Variants in TBC1D30 observed in about 807,000 individuals in gnomAD.
TBC1D30 encodes the protein TBC1 domain family, member 30.
TBC1D30 carries 31 observed loss-of-function variants against 63.2 expected under a neutral mutation model. That is an observed-to-expected ratio of 0.49 (90% confidence interval 0.37 to 0.66). TBC1D30 has a LOEUF of 0.66. Among genes scored for constraint, TBC1D30 ranks in the 30% least tolerant of loss-of-function variants. The pLI is 0.00. For missense variants in TBC1D30, 810 were observed against 953.6 expected (o/e 0.85, Z 1.98); for synonymous variants, 307 against 361.5 (o/e 0.85, Z 1.71).
chr12:64,849,852 A>G (rs560905043), intron 8 of TBC1D30, among the ~76,000 whole-genome samples: 1 of 152,212 alleles, frequency 6.6e-6, no homozygotes, highest in South Asian at 2.1e-4. Flanking sequence ...GAATCTGTAA[A>G]TTACTTTGGG....
At chr12:64,794,879 T>C (rs1340643132) in intron 2 of TBC1D30, among the ~76,000 whole-genome samples, 1 of 152,240 alleles carries the variant, frequency 6.6e-6, no homozygotes, top group Non-Finnish European at 1.5e-5. Flanking sequence ...TTATATGGTA[T>C]CCTGTTCTTG....
chr12:64,826,807 C>G (rs1473933977), intron 1 of TBC1D30, among the ~76,000 whole-genome samples: 1 of 152,106 alleles, frequency 6.6e-6, no homozygotes, highest in Non-Finnish European at 1.5e-5. Context: ...GGACCCAACT[C>G]AGGAATTTAC....
chr12:64,775,914 A>C (rs1871065092), upstream of TBC1D30, among the ~76,000 whole-genome samples: 1 of 152,262 alleles, frequency 6.6e-6, no homozygotes, highest in Non-Finnish European at 1.5e-5. Flanking sequence ...AAAGACCTGA[A>C]ATCATAACAA....
At chr12:64,803,217 T>G (rs966833180) in intron 2 of TBC1D30, among the ~76,000 whole-genome samples, 1 of 152,250 alleles carries the variant, frequency 6.6e-6, no homozygotes, top group African/African-American at 2.4e-5. Context: ...CATTTCCTTG[T>G]GGTTTTGACT....
At position 64,766,073 on chromosome 12, in the gene TBC1D30, C is replaced by T. The variant is rs1870703177; in HGVS notation, c.-376+6424C>T. Among the ~76,000 whole-genome samples the T allele has an allele frequency of 2.0e-5, 3 of 152,034 alleles. No homozygotes were observed. The South Asian group carries it at 6.2e-4, about 32-fold the overall frequency. On this transcript the variant is annotated intron_variant, in intron 1 of 13. Transcript: ENST00000674237. Reference sequence around the variant, plus strand: ...TAGCACTATATCTGAAAATTCACTACATGGATTAAGAGATGATTAAACAAT... The same window carrying T: ...TAGCACTATATCTGAAAATTCACTATATGGATTAAGAGATGATTAAACAAT...
chr12:64,879,179 G>A lies in TBC1D30; in HGVS notation c.*3391G>A, dbSNP rs1308030266. ...ATATAGATCTTTCCAGTACGTTTGT[G>A]TATGTGTGTACACGCCATTATCTAC... On this transcript the variant is annotated 3_prime_UTR_variant, in exon 12 of 12. Transcript: ENST00000539867. 6.6e-6 allele frequency: 1 copy of A among 152,270 alleles called. No homozygotes were observed. Among genetic ancestry groups the A allele is most frequent in the Non-Finnish European group, 1.5e-5 (1 of 68,106 alleles). The allele number at this position is 152,270 out of a possible 1,614,324, so 9.4% of individuals were successfully genotyped here.
At chr12:64,770,530 C>T (rs986307472) in intron 1 of TBC1D30, among the ~76,000 whole-genome samples, 1 of 152,152 alleles carries the variant, frequency 6.6e-6, no homozygotes, top group Admixed American at 6.5e-5. Flanking sequence ...CACTGGTCCC[C>T]ACCTAGCTAC....
At chr12:64,759,595 AGAAAAGGGCGGAGAACCGG>A (rs1357761126) in exon 1 of TBC1D30, 54 of 318,628 alleles carry the variant, frequency 1.7e-4, no homozygotes, top group South Asian at 5.2e-4. Context: ...GGAGAACCGG[AGAAAAGGGCGGAGAACCGG>A]GAAAAGGGCG....
At chr12:64,813,591 C>G (rs1404422847) in intron 2 of TBC1D30, among the ~76,000 whole-genome samples, 1 of 152,110 alleles carries the variant, frequency 6.6e-6, no homozygotes, top group Non-Finnish European at 1.5e-5. Context: ...TCTAGAATTT[C>G]AAGAGCATTT....
rs147073114 is a variant in TBC1D30 at position 64,774,063 on chromosome 12, G to A, written c.-375-11818G>A. On this transcript the variant is annotated intron_variant, in intron 1 of 13. Transcript: ENST00000674237. The stretch of plus-strand genomic sequence containing the variant: ...AAAATCATGATAAAACATCATAGGA[G>A]CTGACAGACAAAATAGCCAGAGTGG... 1.2e-3 allele frequency among the ~76,000 whole-genome samples: 187 copies of A among 152,286 alleles called. 4 individuals carry two copies. In the East Asian group the frequency reaches 0.029, roughly 24 times the overall value.
At chr12:64,765,885 T>A (rs1870697031) in intron 1 of TBC1D30, among the ~76,000 whole-genome samples, 1 of 150,434 alleles carries the variant, frequency 6.6e-6, no homozygotes, top group South Asian at 2.1e-4. Flanking sequence ...GGTGGTATGC[T>A]CCTGTAGTCC....
rs904184573 is a variant in TBC1D30 at position 64,875,153 on chromosome 12, C to T, written c.1651C>T (p.Pro551Ser). The change falls in exon 12 of 12, where the codon CCT (proline) becomes TCT (serine). Residue 551 changes from proline (P) to serine (S), a missense_variant. By Grantham distance (74) the Pro-to-Ser change is moderately conservative. This residue lies in a region of TBC1D30 where 450 missense variants were observed against 473.0 expected (regional missense o/e 0.95). Transcript: ENST00000539867. ...IPGHTGGKISPVPYEDLKTKL... is the reference protein window; with the variant it reads ...IPGHTGGKISSVPYEDLKTKL... ...TGGTCACACAGGAGGGAAAATATCT[C>T]CTGTCCCCTACGAAGACCTTAAGAC... The T allele has an allele frequency of 9.8e-6, 15 of 1,536,306 alleles. No homozygotes were observed. Among genetic ancestry groups the T allele is most frequent in the East Asian group, 2.4e-5 (1 of 40,924 alleles).
At chr12:64,792,972 G>A (rs534280295) in intron 2 of TBC1D30, among the ~76,000 whole-genome samples, 2 of 152,106 alleles carry the variant, frequency 1.3e-5, no homozygotes, top group Admixed American at 1.3e-4. Flanking sequence ...TCCCCTCCAT[G>A]CCCACAGAAG....
At chr12:64,824,072 C>CTTT (rs11423646), upstream of TBC1D30, among the ~76,000 whole-genome samples, 3 of 145,238 alleles carry the variant, frequency 2.1e-5, no homozygotes, top group African/African-American at 7.6e-5. Context: ...TTGAGAATGA[C>CTTT]TTTTTTTTTT....
intron 1 of TBC1D30, among the ~76,000 whole-genome samples, chr12:64,766,076 G>A (rs1000071888): frequency 1.3e-5 from 2 of 151,794 alleles, no homozygotes; most frequent in Non-Finnish European, 2.9e-5. Context: ...TTCACTACAT[G>A]GATTAAGAGA....
At chr12:64,822,540 C>T (rs1873947094), upstream of TBC1D30, among the ~76,000 whole-genome samples, 2 of 152,130 alleles carry the variant, frequency 1.3e-5, no homozygotes, top group South Asian at 4.1e-4. Flanking sequence ...CACCATCACC[C>T]AGGCTGGAGT....
At chr12:64,794,691 G>A (rs1393749491) in intron 2 of TBC1D30, among the ~76,000 whole-genome samples, 5 of 152,010 alleles carry the variant, frequency 3.3e-5, no homozygotes, top group African/African-American at 7.3e-5. Context: ...CCCCTATCTC[G>A]GCCTCCCAAA....
At chr12:64,815,450 C>T (rs927903309) in intron 2 of TBC1D30, among the ~76,000 whole-genome samples, 1 of 152,070 alleles carries the variant, frequency 6.6e-6, no homozygotes, top group African/African-American at 2.4e-5. Context: ...TTAAAAAAGA[C>T]GTTTTTAAAA....
At chr12:64,787,641 T>C (rs1003408046) in intron 2 of TBC1D30, among the ~76,000 whole-genome samples, 1 of 152,144 alleles carries the variant, frequency 6.6e-6, no homozygotes, top group Non-Finnish European at 1.5e-5. Flanking sequence ...TAAAAGAAAA[T>C]CCTGTATTTT....
Sources: allele counts gnomAD v4.1 joint callset (sites outside exome capture counted in the v4.1 genomes callset), GRCh38; gene constraint gnomAD v4.1.1; regional missense constraint gnomAD v4.1.1; transcripts MANE v1.5; gene names NCBI Gene and HGNC (gene_info 2026-07-23, HGNC 2026-07-21).